The following FIG4 variants were observed in gnomAD, a reference collection of about 807,000 sequenced individuals.
FIG4 encodes FIG4 phosphoinositide 5-phosphatase.
Under a neutral mutation model 118.6 loss-of-function variants are expected in FIG4, and 112 were observed. That is an observed-to-expected ratio of 0.94 (90% CI 0.81 to 1.11). The LOEUF is 1.11. Among genes scored for constraint, FIG4 ranks in the 50% least tolerant of loss-of-function variants. The pLI is 0.00. For missense variants in FIG4, 969 were observed against 1,111.7 expected (o/e 0.87, Z 1.83); for synonymous variants, 369 against 381.2 (o/e 0.97, Z 0.37).
chr6:109,785,263 G>A (rs1052211020), intron 17 of FIG4, among the ~76,000 whole-genome samples: 1 of 152,072 alleles, frequency 6.6e-6, no homozygotes, highest in Non-Finnish European at 1.5e-5. Flanking sequence ...CTTGTATTGT[G>A]TCTTACAATT....
At chr6:109,804,748 A>G (rs1041575675) in intron 22 of FIG4, among the ~76,000 whole-genome samples, 1 of 152,140 alleles carries the variant, frequency 6.6e-6, no homozygotes, top group African/African-American at 2.4e-5. Context: ...ATCTGCTCAT[A>G]TTTTATAAAC....
chr6:109,713,308 T>C (rs1293587702), intron 1 of FIG4, among the ~76,000 whole-genome samples: 1 of 152,190 alleles, frequency 6.6e-6, no homozygotes, highest in African/African-American at 2.4e-5. Flanking sequence ...GCAGCATGGC[T>C]GAGGGGGCGG....
At chr6:109,743,889 A>C in intron 10 of FIG4, 117 bp downstream of exon 10, 2 of 790,192 alleles carry the variant, frequency 2.5e-6, no homozygotes, top group African/African-American at 1.7e-5. Context: ...AGACGTGCAG[A>C]TTATTATGCT....
At chr6:109,788,767 T>C (rs1562685165) in intron 18 of FIG4, among the ~76,000 whole-genome samples, 1 of 152,226 alleles carries the variant, frequency 6.6e-6, no homozygotes, top group South Asian at 2.1e-4. Context: ...TCAAGATTAC[T>C]TTCTTTTCCT....
At chr6:109,713,729 G>T (rs1775342530) in intron 1 of FIG4, among the ~76,000 whole-genome samples, 1 of 152,164 alleles carries the variant, frequency 6.6e-6, no homozygotes, top group Non-Finnish European at 1.5e-5. Context: ...GCGGGAAGCT[G>T]CAGTGGAGGG....
chr6:109,823,557 CT>C (rs1267066597), intron 22 of FIG4, among the ~76,000 whole-genome samples: 1 of 152,056 alleles, frequency 6.6e-6, no homozygotes, highest in Non-Finnish European at 1.5e-5. Context: ...AGATAGAGCC[CT>C]TTTGGGGGGT....
At chr6:109,756,857 T>C (rs1397064966) in intron 10 of FIG4, among the ~76,000 whole-genome samples, 2 of 152,228 alleles carry the variant, frequency 1.3e-5, no homozygotes, top group East Asian at 3.9e-4. Flanking sequence ...TTCAAAGTTT[T>C]CAACTTCTTT....
chr6:109,742,649 T>G (rs1267266979), intron 8 of FIG4, among the ~76,000 whole-genome samples: 2 of 152,172 alleles, frequency 1.3e-5, no homozygotes, highest in Non-Finnish European at 2.9e-5. Flanking sequence ...TATTATGTCC[T>G]TATATACTTC....
chr6:109,732,050 C>A (rs1776017667), intron 4 of FIG4, among the ~76,000 whole-genome samples: 1 of 152,104 alleles, frequency 6.6e-6, no homozygotes, highest in South Asian at 2.1e-4. Flanking sequence ...ACATCAGTGA[C>A]AGGAAAATGG....
chr6:109,821,779 C>T (rs978039920), intron 22 of FIG4, among the ~76,000 whole-genome samples: 1 of 152,174 alleles, frequency 6.6e-6, no homozygotes, highest in African/African-American at 2.4e-5. Flanking sequence ...ATATAAAGGG[C>T]AGAGGAACAC....
At position 109,714,928 on chromosome 6, in the gene FIG4, C is replaced by T. The variant is rs886281107; in HGVS notation, c.67-150C>T. Reference sequence around the variant, plus strand: ...AATTGACCTTTTGGAGTCAGCTTTTCTTTAATCTGCCAGTTATACATAACA... The same window carrying T: ...AATTGACCTTTTGGAGTCAGCTTTTTTTTAATCTGCCAGTTATACATAACA... On this transcript the variant is annotated intron_variant, in intron 1 of 22. Transcript: ENST00000230124. 7.1e-6 allele frequency: 4 copies of T among 562,114 alleles called. No individual in the cohort carries two copies. The East Asian group carries it at 1.2e-4, about 17-fold the overall frequency. The allele number at this position is 562,114 out of a possible 1,614,324, so 34.8% of individuals were successfully genotyped here. A position where few individuals can be genotyped will look rare whatever the true frequency, so the allele number is the denominator to read the frequency against.
intron 22 of FIG4, among the ~76,000 whole-genome samples, chr6:109,798,022 G>A (rs1369510424): frequency 1.3e-5 from 2 of 151,790 alleles, no homozygotes; most frequent in Non-Finnish European, 2.9e-5. Flanking sequence ...TCTTAGATCA[G>A]TTTTATCAGT....
chr6:109,796,454 C>T (rs1051693790), intron 21 of FIG4, among the ~76,000 whole-genome samples: 1 of 152,214 alleles, frequency 6.6e-6, no homozygotes, highest in Non-Finnish European at 1.5e-5. Context: ...GATCATCTTC[C>T]TGGCTTCAGG....
chr6:109,789,082 C>T (rs1699493476), intron 18 of FIG4, among the ~76,000 whole-genome samples: 1 of 152,198 alleles, frequency 6.6e-6, no homozygotes, highest in Non-Finnish European at 1.5e-5. Context: ...ATCATTATGT[C>T]TACCTCCTTA....
chr6:109,691,983 C>CT (rs1304001298), intron 1 of FIG4, among the ~76,000 whole-genome samples: 1 of 152,080 alleles, frequency 6.6e-6, no homozygotes, highest in Non-Finnish European at 1.5e-5. Context: ...TTTTGGTTCT[C>CT]TTTTTTTCTT....
intron 1 of FIG4, among the ~76,000 whole-genome samples, chr6:109,704,630 T>G (rs1368990485): frequency 2.1e-5 from 3 of 140,172 alleles, no homozygotes; most frequent in African/African-American, 8.1e-5. Flanking sequence ...GAGCCAAGAT[T>G]ACACCACTGC....
chr6:109,821,422 C>T (rs1779003561), intron 22 of FIG4, among the ~76,000 whole-genome samples: 1 of 152,058 alleles, frequency 6.6e-6, no homozygotes, highest in Non-Finnish European at 1.5e-5. Flanking sequence ...AAGAACAGAG[C>T]AAAATAACAT....
intron 15 of FIG4, among the ~76,000 whole-genome samples, chr6:109,768,001 C>T (rs1390112702): frequency 1.3e-5 from 2 of 152,184 alleles, no homozygotes; most frequent in East Asian, 3.8e-4. Context: ...TGAAGAGACG[C>T]AGCATGTAGG....
chr6:109,756,883 TTCC>T lies in FIG4; in HGVS notation c.1138-3362_1138-3360del, dbSNP rs528494521. ...CAACTTCTTTGTGTTTGGTTTGAAT[TTCC>T]TCCTATAGCTTGGAGTAATTTGATC... On this transcript the variant is annotated intron_variant, in intron 10 of 22. Transcript: ENST00000230124. Among the ~76,000 whole-genome samples, 20 of 152,322 alleles carry T rather than the reference TTCC, an allele frequency of 1.3e-4. No homozygotes were observed. The East Asian group carries it at 3.9e-3, about 29-fold the overall frequency.
Sources: allele counts gnomAD v4.1 joint callset (sites outside exome capture counted in the v4.1 genomes callset), GRCh38; gene constraint gnomAD v4.1.1; transcripts MANE v1.5; gene names NCBI Gene and HGNC (gene_info 2026-07-23, HGNC 2026-07-21).